Variants in SYNDIG1 observed in about 807,000 individuals in gnomAD.
The protein encoded by SYNDIG1 is synapse differentiation-inducing gene protein 1.
SYNDIG1 carries 9 observed loss-of-function variants against 19.4 expected under a neutral mutation model. The ratio of observed to expected loss-of-function variants is 0.46; its 90% CI spans 0.28 to 0.81. The LOEUF is 0.81. SYNDIG1 is among the 30% of genes least tolerant of loss of function. The probability of loss-of-function intolerance (pLI) is 0.12; values close to 1 mark genes in which losing one functional copy is unlikely to be tolerated. For synonymous variants in SYNDIG1, 141 were observed against 145.9 expected (o/e 0.97, Z 0.24); for missense variants, 311 against 343.3 (o/e 0.91, Z 0.74).
chr20:24,589,664 T>G (rs2058475505), intron 3 of SYNDIG1, among the ~76,000 whole-genome samples: 1 of 152,238 alleles, frequency 6.6e-6, no homozygotes, highest in African/African-American at 2.4e-5. Flanking sequence ...GCAGATGTCT[T>G]TGCATCCAAG....
chr20:24,513,237 C>T (rs542478914), intron 1 of SYNDIG1, among the ~76,000 whole-genome samples: 13 of 152,348 alleles, frequency 8.5e-5, no homozygotes, highest in East Asian at 7.7e-4. Flanking sequence ...TTCAAAGGAA[C>T]GCAGCTCCTC....
chr20:24,600,385 G>A (rs1444003330), intron 3 of SYNDIG1, among the ~76,000 whole-genome samples: 1 of 152,032 alleles, frequency 6.6e-6, no homozygotes, highest in East Asian at 1.9e-4. Context: ...TTATTTTAAA[G>A]CAAGTGGCCA....
In SYNDIG1 at chr20:24,627,150, G is replaced by GGAGAGC. The variant is rs59038259; in HGVS notation, c.619-38165_619-38160dup. 4.7e-3 allele frequency among the ~76,000 whole-genome samples: 636 copies of GGAGAGC among 136,504 alleles called. 2 individuals carry two copies. The highest frequency in any genetic ancestry group is 6.7e-3 in the Non-Finnish European group (428 of 63,930). The allele number at this position is 136,504 out of a possible 152,430, so 89.6% of individuals were successfully genotyped here. A position where few individuals can be genotyped will look rare whatever the true frequency, so the allele number is the denominator to read the frequency against. On this transcript the variant is annotated intron_variant, in intron 3 of 3. Coordinates refer to ENST00000376862, the MANE Select transcript of SYNDIG1 (RefSeq NM_024893.3). ...GGGAGAGGGAGAGGGAGAGGGAGAG[G>GGAGAGC]GAGAGCGAGAGCGAGAGCGAGAGCG...
At chr20:24,561,340 C>T (rs2057942042) in intron 2 of SYNDIG1, among the ~76,000 whole-genome samples, 1 of 152,170 alleles carries the variant, frequency 6.6e-6, no homozygotes, top group Non-Finnish European at 1.5e-5. Flanking sequence ...CCGTTAAATT[C>T]CTGGTTGTCC....
chr20:24,481,911 C>T (rs1338769689), intron 1 of SYNDIG1, among the ~76,000 whole-genome samples: 3 of 151,910 alleles, frequency 2.0e-5, no homozygotes, highest in Non-Finnish European at 2.9e-5. Context: ...AACATCTTAC[C>T]GTAATCCCAA....
In SYNDIG1 at chr20:24,594,795, C is replaced by T. The variant is rs920025952; in HGVS notation, c.618+9802C>T. Among the ~76,000 whole-genome samples, 50 of 152,020 alleles carry T rather than the reference C, an allele frequency of 3.3e-4. 1 individual carries two copies. Among genetic ancestry groups the T allele is most frequent in the Non-Finnish European group, 1.0e-4 (7 of 67,872 alleles). ...TTATTCTATTCGTGGCTATTGTGAA[C>T]GGAATTGCTTTCTTGAATCTTGGGT... On this transcript the variant is annotated intron_variant, in intron 3 of 3. Coordinates refer to ENST00000376862, the MANE Select transcript of SYNDIG1 (RefSeq NM_024893.3).
intron 1 of SYNDIG1, among the ~76,000 whole-genome samples, chr20:24,506,942 G>T (rs570017037): frequency 6.6e-6 from 1 of 152,234 alleles, no homozygotes; most frequent in Non-Finnish European, 1.5e-5. Context: ...TAGAATAAAG[G>T]AAGGATTTGG....
chr20:24,471,042 G>A (rs2055429855), intron 1 of SYNDIG1, among the ~76,000 whole-genome samples: 1 of 152,102 alleles, frequency 6.6e-6, no homozygotes, highest in Admixed American at 6.5e-5. Flanking sequence ...GTGCGCGCGC[G>A]AGTCCGTGTA....
intron 1 of SYNDIG1, among the ~76,000 whole-genome samples, chr20:24,518,199 A>G (rs1033604345): frequency 1.1e-4 from 16 of 152,100 alleles, no homozygotes; most frequent in Admixed American, 1.0e-3. Context: ...ACTACATGGA[A>G]TATTGGGAAC....
At chr20:24,643,365 G>C (rs1247976569) in intron 3 of SYNDIG1, among the ~76,000 whole-genome samples, 1 of 152,056 alleles carries the variant, frequency 6.6e-6, no homozygotes, top group Non-Finnish European at 1.5e-5. Context: ...TTATCAGCTA[G>C]AGTGCCATGT....
intron 1 of SYNDIG1, among the ~76,000 whole-genome samples, chr20:24,493,731 GCT>G (rs1309642489): frequency 6.6e-6 from 1 of 152,140 alleles, no homozygotes; most frequent in East Asian, 1.9e-4. Context: ...GAGGAGCAGA[GCT>G]CTGTTTTGAC....
intron 2 of SYNDIG1, among the ~76,000 whole-genome samples, chr20:24,559,607 C>T (rs1175673728): frequency 6.6e-6 from 1 of 152,212 alleles, no homozygotes; most frequent in African/African-American, 2.4e-5. Flanking sequence ...TTGCCATCTG[C>T]ATCATCTACT....
intron 1 of SYNDIG1, among the ~76,000 whole-genome samples, chr20:24,470,191 G>C (rs930012753): frequency 1.9e-4 from 29 of 152,212 alleles, no homozygotes; most frequent in African/African-American, 7.0e-4. Context: ...CTGCGGGTTC[G>C]GGCTGCCCCT....
chr20:24,547,110 T>C (rs1438514596), intron 2 of SYNDIG1, among the ~76,000 whole-genome samples: 3 of 151,976 alleles, frequency 2.0e-5, no homozygotes, highest in Non-Finnish European at 4.4e-5. Flanking sequence ...GCCTTCTCAT[T>C]GTCCTGGGTC....
intron 1 of SYNDIG1, among the ~76,000 whole-genome samples, chr20:24,524,985 G>C (rs2057090968): frequency 6.6e-6 from 1 of 152,004 alleles, no homozygotes; most frequent in African/African-American, 2.4e-5. Flanking sequence ...TATTAATTTA[G>C]ATGGGGCTCA....
rs183676885 is a variant in SYNDIG1 at position 24,521,009 on chromosome 20, G to A, written c.-78-22011G>A. On this transcript the variant is annotated intron_variant, in intron 1 of 3. Coordinates refer to ENST00000376862, the MANE Select transcript of SYNDIG1 (RefSeq NM_024893.3). ...CCTCCCTTCTGCAGCCTCTGCAGCTGTGTTCTGTCTGTGAGTGTGACTATT... is the reference window on the plus strand; with the variant it reads ...CCTCCCTTCTGCAGCCTCTGCAGCTATGTTCTGTCTGTGAGTGTGACTATT... Among the ~76,000 whole-genome samples the A allele has an allele frequency of 6.6e-5, 10 of 152,244 alleles. No homozygotes were observed. In the East Asian group the frequency reaches 1.5e-3, roughly 24 times the overall value.
At chr20:24,550,742 C>T (rs2057690955) in intron 2 of SYNDIG1, among the ~76,000 whole-genome samples, 1 of 152,134 alleles carries the variant, frequency 6.6e-6, no homozygotes, top group Non-Finnish European at 1.5e-5. Context: ...GATCTCCTGA[C>T]CTCGTGATCT....
chr20:24,482,109 G>C (rs189301426), intron 1 of SYNDIG1, among the ~76,000 whole-genome samples: 14 of 152,282 alleles, frequency 9.2e-5, no homozygotes, highest in Middle Eastern at 3.4e-3. Context: ...CTGAGCTCAT[G>C]CCATGGAGAA....
At chr20:24,617,093 T>A (rs1442036446) in intron 3 of SYNDIG1, among the ~76,000 whole-genome samples, 3 of 152,122 alleles carry the variant, frequency 2.0e-5, no homozygotes, top group African/African-American at 7.2e-5. Context: ...TCAGGAGGTT[T>A]ACATAACAGA....
Sources: allele counts gnomAD v4.1 joint callset (sites outside exome capture counted in the v4.1 genomes callset), GRCh38; gene constraint gnomAD v4.1.1; transcripts MANE v1.5; gene names NCBI Gene and HGNC (gene_info 2026-07-23, HGNC 2026-07-21).